DPP10: variants seen among roughly 807,000 people sequenced by gnomAD.
The protein encoded by DPP10 is dipeptidyl peptidase like 10.
A neutral mutation model predicts 120.9 loss-of-function variants in DPP10; 33 were observed. The ratio of observed to expected loss-of-function variants is 0.27; its 90% CI spans 0.21 to 0.37. DPP10 has a LOEUF of 0.37. Ranked by LOEUF, DPP10 falls within the 10% of genes least tolerant of loss-of-function variation. DPP10 has a pLI of 1.00. For synonymous variants in DPP10, 337 were observed against 326.1 expected (o/e 1.03, Z -0.36); for missense variants, 816 against 942.8 (o/e 0.87, Z 1.76).
intron 1 of DPP10, among the ~76,000 whole-genome samples, chr2:114,997,464 C>G (rs1388400049): frequency 6.7e-6 from 1 of 148,634 alleles, no homozygotes; most frequent in East Asian, 2.0e-4. Flanking sequence ...TGCACTCCAA[C>G]TTGAGTACAG....
chr2:115,462,988 C>T lies in DPP10; in HGVS notation c.272-36522C>T, dbSNP rs569702968. Among the ~76,000 whole-genome samples, 5 of 152,262 alleles carry T rather than the reference C, an allele frequency of 3.3e-5. 1 individual carries two copies. The highest frequency in any genetic ancestry group is 4.1e-4 in the South Asian group (2 of 4,830). ...CAGGCAATCTGCTTGTCTCAGCCTCCGAAAGTGCTGGGATTAAAGGTGTTA... is the reference window on the plus strand; with the variant it reads ...CAGGCAATCTGCTTGTCTCAGCCTCTGAAAGTGCTGGGATTAAAGGTGTTA... On this transcript the variant is annotated intron_variant, in intron 3 of 25. Coordinates refer to ENST00000410059, the MANE Select transcript of DPP10 (RefSeq NM_020868.6).
At chr2:115,219,294 C>T (rs1298718556) in intron 1 of DPP10, among the ~76,000 whole-genome samples, 43 of 152,182 alleles carry the variant, frequency 2.8e-4, no homozygotes, top group Non-Finnish European at 5.9e-5. Context: ...AATTATATTG[C>T]ATTTATTTCC....
chr2:115,541,830 G>T (rs2079188330), intron 5 of DPP10, among the ~76,000 whole-genome samples: 1 of 151,760 alleles, frequency 6.6e-6, no homozygotes, highest in Admixed American at 6.6e-5. Flanking sequence ...AAAGATAAAA[G>T]AAAATAAATA....
chr2:114,451,945 G>C (rs189538939), intron 1 of DPP10, among the ~76,000 whole-genome samples: 2 of 152,064 alleles, frequency 1.3e-5, no homozygotes, highest in East Asian at 1.9e-4. Context: ...AAGAACAAAA[G>C]GTTTGTTCAT....
intron 1 of DPP10, among the ~76,000 whole-genome samples, chr2:114,839,211 C>A (rs973722559): frequency 6.6e-6 from 1 of 152,050 alleles, no homozygotes; most frequent in African/African-American, 2.4e-5. Context: ...ATGTAAATGG[C>A]AATTAAATAC....
intron 3 of DPP10, among the ~76,000 whole-genome samples, chr2:115,374,767 G>A (rs766290353): frequency 4.6e-5 from 7 of 152,182 alleles, no homozygotes; most frequent in South Asian, 2.1e-4. Context: ...CTTGAGGCTT[G>A]CACCCTCTGA....
At chr2:115,341,363 C>T (rs1254771607) in intron 2 of DPP10, among the ~76,000 whole-genome samples, 1 of 152,050 alleles carries the variant, frequency 6.6e-6, no homozygotes, top group Non-Finnish European at 1.5e-5. Context: ...CCCTGACCCC[C>T]CTGTGCCTGA....
At chr2:114,954,447 T>C (rs936977803) in intron 1 of DPP10, among the ~76,000 whole-genome samples, 11 of 152,148 alleles carry the variant, frequency 7.2e-5, no homozygotes, top group Non-Finnish European at 1.3e-4. Flanking sequence ...CAAAAACTTA[T>C]GGCATGGAGC....
chr2:115,137,633 A>G (rs2050715822), intron 1 of DPP10, among the ~76,000 whole-genome samples: 1 of 152,168 alleles, frequency 6.6e-6, no homozygotes, highest in Non-Finnish European at 1.5e-5. Flanking sequence ...GAGATTAATT[A>G]TGGTTTGGAG....
At chr2:115,273,716 A>C (rs548378301) in intron 1 of DPP10, among the ~76,000 whole-genome samples, 1 of 152,346 alleles carries the variant, frequency 6.6e-6, no homozygotes, top group African/African-American at 2.4e-5. Context: ...GATATTTTAG[A>C]ATATGTTACT....
At chr2:114,793,140 T>A (rs1030491404) in intron 1 of DPP10, among the ~76,000 whole-genome samples, 2 of 152,138 alleles carry the variant, frequency 1.3e-5, no homozygotes, top group East Asian at 1.9e-4. Context: ...TTAATTTTTT[T>A]ATGTTATTTG....
chr2:115,148,808 A>C (rs897163965), intron 1 of DPP10, among the ~76,000 whole-genome samples: 4 of 152,198 alleles, frequency 2.6e-5, no homozygotes, highest in Non-Finnish European at 4.4e-5. Flanking sequence ...CTAGCCATCC[A>C]GAAGTCTCTA....
intron 1 of DPP10, among the ~76,000 whole-genome samples, chr2:114,765,463 A>G (rs1378821608): frequency 6.6e-6 from 1 of 152,182 alleles, no homozygotes. Flanking sequence ...AAGAGGCACT[A>G]CTAGGGCACA....
intron 1 of DPP10, among the ~76,000 whole-genome samples, chr2:114,482,559 T>C (rs1052927248): frequency 3.3e-5 from 5 of 152,178 alleles, no homozygotes; most frequent in African/African-American, 9.7e-5. Context: ...CAGCAGATTT[T>C]GGCTGGGTTC....
chr2:115,338,748 A>G (rs1320044743), intron 2 of DPP10, among the ~76,000 whole-genome samples: 3 of 152,218 alleles, frequency 2.0e-5, no homozygotes, highest in Non-Finnish European at 4.4e-5. Flanking sequence ...CCAGCAGACA[A>G]ACAAAACTTC....
chr2:115,082,277 G>A (rs1476156101), intron 1 of DPP10, among the ~76,000 whole-genome samples: 4 of 152,078 alleles, frequency 2.6e-5, no homozygotes, highest in African/African-American at 4.8e-5. Context: ...GCCAAGGGGA[G>A]GTTTCTCACT....
chr2:115,317,575 A>G (rs115522664), intron 2 of DPP10, among the ~76,000 whole-genome samples: 1,567 of 152,090 alleles, frequency 0.01, 24 homozygotes, highest in African/African-American at 0.037. Flanking sequence ...TTACATTCCC[A>G]ACAGAAATAT....
chr2:114,792,583 T>A (rs1366907078), intron 1 of DPP10, among the ~76,000 whole-genome samples: 1 of 152,248 alleles, frequency 6.6e-6, no homozygotes, highest in African/African-American at 2.4e-5. Flanking sequence ...TTTTCTCTGA[T>A]AAGAATGCCT....
chr2:115,813,185 G>T (rs186404745), intron 19 of DPP10, among the ~76,000 whole-genome samples: 2,110 of 146,810 alleles, frequency 0.014, 134 homozygotes, highest in African/African-American at 0.053. Context: ...GTTTCACCTT[G>T]TTAGCCAGGA....
Sources: gnomAD v4.1 joint callset for allele counts (sites outside exome capture counted in the v4.1 genomes callset) on GRCh38, gnomAD v4.1.1 for gene constraint, MANE v1.5 for transcripts, NCBI Gene and HGNC (gene_info 2026-07-23, HGNC 2026-07-21) for gene names.